Variants in TBC1D19 observed in about 807,000 individuals in gnomAD.
TBC1D19 encodes the protein TBC1 domain family, member 19.
In TBC1D19, 60 loss-of-function variants were observed where a neutral mutation model predicts 89.0. The observed-to-expected ratio is 0.67, with a 90% CI of 0.55 to 0.84. The LOEUF is 0.84. TBC1D19 is among the 40% of genes least tolerant of loss of function. The pLI is 0.00. For missense variants in TBC1D19, 500 were observed against 610.8 expected (o/e 0.82, Z 1.91); for synonymous variants, 189 against 199.7 (o/e 0.95, Z 0.45).
intron 7 of TBC1D19, among the ~76,000 whole-genome samples, chr4:26,654,217 CT>C (rs1247911248): frequency 1.3e-5 from 2 of 152,230 alleles, no homozygotes; most frequent in African/African-American, 2.4e-5. Flanking sequence ...TCTCTTCTGG[CT>C]TGTAGAGTTG....
the TBC1D19 span, among the ~76,000 whole-genome samples, chr4:26,777,932 G>T: frequency 6.6e-6 from 1 of 152,000 alleles, no homozygotes; most frequent in African/African-American, 2.4e-5. Context: ...AATTAACAGG[G>T]CGTGGCGGTA....
At chr4:26,839,022 C>T in the TBC1D19 span, among the ~76,000 whole-genome samples, 10 of 152,138 alleles carry the variant, frequency 6.6e-5, no homozygotes, top group Non-Finnish European at 1.2e-4. Context: ...TTTTAAGATT[C>T]GTTTATTCAA....
intron 1 of TBC1D19, chr4:26,576,816 C>CT (rs1399366266): frequency 6.6e-6 from 3 of 456,000 alleles, no homozygotes; most frequent in Non-Finnish European, 1.3e-5. Context: ...AGGACAAGGG[C>CT]CAGGTATGAC....
chr4:26,772,385 A>G, the TBC1D19 span, among the ~76,000 whole-genome samples: 1 of 151,962 alleles, frequency 6.6e-6, no homozygotes, highest in African/African-American at 2.4e-5. Context: ...ATGCTCTTAC[A>G]CATGCCTGCA....
At chr4:26,716,166 TA>T (rs1716593844) in intron 13 of TBC1D19, among the ~76,000 whole-genome samples, 1 of 152,110 alleles carries the variant, frequency 6.6e-6, no homozygotes, top group Non-Finnish European at 1.5e-5. Context: ...TTAAACTCCA[TA>T]AAAGAGGTGT....
intron 12 of TBC1D19, among the ~76,000 whole-genome samples, chr4:26,685,245 G>A (rs1355683985): frequency 1.3e-5 from 2 of 152,230 alleles, no homozygotes; most frequent in African/African-American, 4.8e-5. Flanking sequence ...GAAGAAATGT[G>A]CTGGGCTGGG....
intron 11 of TBC1D19, among the ~76,000 whole-genome samples, chr4:26,681,545 C>T (rs981368498): frequency 1.8e-4 from 27 of 151,234 alleles, no homozygotes; most frequent in South Asian, 4.2e-4. Flanking sequence ...AGTGAGACGC[C>T]GTCTCAAAAA....
the TBC1D19 span, among the ~76,000 whole-genome samples, chr4:26,798,432 A>G: frequency 2.0e-5 from 3 of 152,204 alleles, no homozygotes; most frequent in South Asian, 2.1e-4. Context: ...AGAAAAGGGA[A>G]TGCTTATACA....
chr4:26,799,887 A>G, the TBC1D19 span, among the ~76,000 whole-genome samples: 2 of 152,354 alleles, frequency 1.3e-5, no homozygotes, highest in East Asian at 3.9e-4. Flanking sequence ...GGAGCAGGGG[A>G]AGACTGTCAA....
the TBC1D19 span, among the ~76,000 whole-genome samples, chr4:26,810,502 C>G: frequency 4.6e-5 from 7 of 152,210 alleles, no homozygotes; most frequent in African/African-American, 1.4e-4. Context: ...TGACCCTTCT[C>G]TGGTCCTATC....
intron 7 of TBC1D19, among the ~76,000 whole-genome samples, chr4:26,644,300 TAAAC>T (rs1560440367): frequency 6.6e-6 from 1 of 152,022 alleles, no homozygotes; most frequent in Non-Finnish European, 1.5e-5. Context: ...ATCCATCACA[TAAAC>T]AGAACCAAAG....
chr4:26,726,438 C>CT (rs1717327115), intron 15 of TBC1D19, among the ~76,000 whole-genome samples: 2 of 152,082 alleles, frequency 1.3e-5, no homozygotes, highest in Admixed American at 1.3e-4. Flanking sequence ...TGAGGTATAA[C>CT]TTTAGACTTC....
At chr4:26,729,809 G>T (rs1002490966) in intron 15 of TBC1D19, among the ~76,000 whole-genome samples, 5 of 152,176 alleles carry the variant, frequency 3.3e-5, no homozygotes, top group Non-Finnish European at 5.9e-5. Flanking sequence ...TAAGGCTAGA[G>T]TGTGAGCTCT....
intron 1 of TBC1D19, among the ~76,000 whole-genome samples, chr4:26,598,128 C>T (rs1740349869): frequency 6.6e-6 from 1 of 152,018 alleles, no homozygotes; most frequent in Non-Finnish European, 1.5e-5. Context: ...TCATTCTTAA[C>T]CATATTTTAA....
intron 1 of TBC1D19, among the ~76,000 whole-genome samples, chr4:26,601,121 TTGTG>T (rs1293772469): frequency 7.1e-6 from 1 of 139,890 alleles, no homozygotes; most frequent in Admixed American, 7.2e-5. Flanking sequence ...TTTATATATA[TTGTG>T]TATGTCTATA....
At chr4:26,687,842 T>C (rs1323694413) in intron 12 of TBC1D19, among the ~76,000 whole-genome samples, 2 of 152,268 alleles carry the variant, frequency 1.3e-5, no homozygotes, top group East Asian at 3.9e-4. Flanking sequence ...GGGAAGTCAG[T>C]GAACTGGCCC....
At chr4:26,593,619 C>T (rs942940842) in intron 1 of TBC1D19, among the ~76,000 whole-genome samples, 3 of 152,144 alleles carry the variant, frequency 2.0e-5, no homozygotes, top group Non-Finnish European at 4.4e-5. Context: ...CCAGAATCTA[C>T]AATGAACTCA....
chr4:26,602,165 G>A (rs1345662401), intron 1 of TBC1D19, among the ~76,000 whole-genome samples: 1 of 152,218 alleles, frequency 6.6e-6, no homozygotes, highest in African/African-American at 2.4e-5. Flanking sequence ...GATAGCTCTT[G>A]TGCTAGATCT....
At chr4:26,643,759 C>T (rs1475231131) in intron 7 of TBC1D19, among the ~76,000 whole-genome samples, 1 of 152,106 alleles carries the variant, frequency 6.6e-6, no homozygotes, top group African/African-American at 2.4e-5. Flanking sequence ...CCACCGATTC[C>T]ACAGAAATAC....
Sources: gnomAD v4.1 joint callset for allele counts (sites outside exome capture counted in the v4.1 genomes callset) on GRCh38, gnomAD v4.1.1 for gene constraint, MANE v1.5 for transcripts, NCBI Gene and HGNC (gene_info 2026-07-23, HGNC 2026-07-21) for gene names.